The following WDR70 variants were observed in gnomAD, a reference collection of about 807,000 sequenced individuals.
The protein encoded by WDR70 is WD repeat-containing protein 70.
WDR70 carries 53 observed loss-of-function variants against 88.6 expected under a neutral mutation model. The observed-to-expected ratio is 0.60, with a 90% confidence interval of 0.48 to 0.75. The LOEUF is 0.75. Ranked by LOEUF, WDR70 falls within the 30% of genes least tolerant of loss-of-function variation. The pLI is 0.00. For synonymous variants in WDR70, 280 were observed against 270.0 expected, an observed-to-expected ratio of 1.04 and a Z score of -0.36; for missense variants, 610 against 823.2, an observed-to-expected ratio of 0.74 and a Z score of 3.17.
chr5:37,732,436 G>T lies in WDR70; in HGVS notation c.1877+5391G>T, dbSNP rs1359348105. On this transcript the variant is annotated intron_variant, in intron 17 of 17. Coordinates refer to ENST00000265107, the MANE Select transcript of WDR70 (RefSeq NM_018034.4). ...TACCCTCTTGAATGACAGTTATGTT[G>T]TTTTCAGCCTTTTTCTTTCATAAAC... Among the ~76,000 whole-genome samples the T allele has an allele frequency of 2.0e-5, 3 of 151,976 alleles. No homozygotes were observed. In the East Asian group the frequency reaches 5.8e-4, roughly 29 times the overall value.
chr5:37,687,554 A>G (rs1239600904), intron 10 of WDR70, among the ~76,000 whole-genome samples: 1 of 152,192 alleles, frequency 6.6e-6, no homozygotes, highest in African/African-American at 2.4e-5. Flanking sequence ...GTTTCAAAAC[A>G]TTACACCTCC....
intron 10 of WDR70, among the ~76,000 whole-genome samples, chr5:37,675,947 C>T (rs1011105857): frequency 6.6e-6 from 1 of 151,994 alleles, no homozygotes; most frequent in Non-Finnish European, 1.5e-5. Context: ...AGAGGTCCTT[C>T]ACGTCCCTTG....
intron 13 of WDR70, among the ~76,000 whole-genome samples, chr5:37,711,087 A>G (rs1398062421): frequency 6.6e-6 from 1 of 152,174 alleles, no homozygotes; most frequent in East Asian, 1.9e-4. Context: ...TACAGATTAT[A>G]GCAAATGTGC....
chr5:37,539,129 A>G (rs1045343102), intron 9 of WDR70, among the ~76,000 whole-genome samples: 3 of 152,184 alleles, frequency 2.0e-5, no homozygotes, highest in Non-Finnish European at 4.4e-5. Context: ...ATCTGTTACA[A>G]CTGCTTTCGC....
At chr5:37,600,495 C>T (rs1029928177) in intron 9 of WDR70, among the ~76,000 whole-genome samples, 2 of 147,908 alleles carry the variant, frequency 1.4e-5, no homozygotes, top group African/African-American at 5.1e-5. Context: ...CCACTGCACT[C>T]CAGCCTGGGC....
chr5:37,464,711 AC>A (rs1365227873), intron 7 of WDR70, among the ~76,000 whole-genome samples: 2 of 152,154 alleles, frequency 1.3e-5, no homozygotes, highest in African/African-American at 4.8e-5. Context: ...CTGCTATAAT[AC>A]TGCCTTGTGG....
intron 10 of WDR70, among the ~76,000 whole-genome samples, chr5:37,621,943 A>G (rs1041668393): frequency 6.6e-6 from 1 of 152,180 alleles, no homozygotes; most frequent in African/African-American, 2.4e-5. Context: ...AGCTTTCTAC[A>G]TATGGCTAGC....
chr5:37,697,059 A>G (rs1295322343), intron 10 of WDR70, among the ~76,000 whole-genome samples: 1 of 152,188 alleles, frequency 6.6e-6, no homozygotes, highest in Admixed American at 6.5e-5. Flanking sequence ...GGAGATGATA[A>G]TAATGGAACC....
chr5:37,613,251 A>G (rs997198365), intron 10 of WDR70, among the ~76,000 whole-genome samples: 2 of 152,230 alleles, frequency 1.3e-5, no homozygotes, highest in Admixed American at 1.3e-4. Flanking sequence ...AAAACATGGT[A>G]GGTTAAACAC....
At chr5:37,515,721 G>C (rs1740867313) in intron 8 of WDR70, among the ~76,000 whole-genome samples, 1 of 152,178 alleles carries the variant, frequency 6.6e-6, no homozygotes. Context: ...AACTGTGTCA[G>C]AGTAAGAGAT....
At chr5:37,390,380 C>T (rs1748774637) in intron 3 of WDR70, among the ~76,000 whole-genome samples, 2 of 148,982 alleles carry the variant, frequency 1.3e-5, no homozygotes, top group East Asian at 2.0e-4. Flanking sequence ...CACTCAGTCG[C>T]CCAGGCTAGA....
intron 9 of WDR70, among the ~76,000 whole-genome samples, chr5:37,535,981 T>A (rs753327184): frequency 1.4e-4 from 21 of 152,222 alleles, no homozygotes; most frequent in Non-Finnish European, 2.2e-4. Context: ...CTCTTTTATA[T>A]AAGTAATGGA....
At chr5:37,706,882 GT>G (rs906140902) in intron 13 of WDR70, among the ~76,000 whole-genome samples, 29 of 149,410 alleles carry the variant, frequency 1.9e-4, no homozygotes, top group African/African-American at 6.6e-4. Flanking sequence ...ATTCACTTTT[GT>G]TTTTTTTTGT....
At chr5:37,655,014 G>A (rs532154634) in intron 10 of WDR70, among the ~76,000 whole-genome samples, 35 of 152,240 alleles carry the variant, frequency 2.3e-4, no homozygotes, top group African/African-American at 2.6e-4. Flanking sequence ...TATTTTGCCC[G>A]TTAATTGATA....
chr5:37,499,389 C>T (rs1395454700), intron 8 of WDR70, among the ~76,000 whole-genome samples: 2 of 151,942 alleles, frequency 1.3e-5, no homozygotes, highest in Admixed American at 6.6e-5. Flanking sequence ...GCTGGGATTA[C>T]AGGTATGGGC....
chr5:37,697,699 A>G lies in WDR70; in HGVS notation c.1137A>G (p.Thr379=). ...ATAAACAGGCTCATGACTCGGGCAC[A>G]GACACTTCTTGCGTGACTTTTTCCT... ...FHYKQAHDSG[T]DTSCVTFSYD... is the part of the protein sequence containing the mutation. Residue 379 remains threonine (T), a synonymous_variant, in exon 11 of 18, where the codon ACA becomes ACG. Transcript: ENST00000265107. 1 of 1,613,892 alleles carries G rather than the reference A, an allele frequency of 6.2e-7. No homozygotes were observed. The highest frequency in any genetic ancestry group is 1.3e-5 in the African/African-American group (1 of 75,048).
At chr5:37,385,185 C>T (rs529674293) in intron 3 of WDR70, among the ~76,000 whole-genome samples, 1 of 152,124 alleles carries the variant, frequency 6.6e-6, no homozygotes, top group South Asian at 2.1e-4. Flanking sequence ...CCAGCATACC[C>T]CTGTGTTCAG....
At chr5:37,606,097 G>A (rs888921101) in intron 10 of WDR70, among the ~76,000 whole-genome samples, 1 of 151,990 alleles carries the variant, frequency 6.6e-6, no homozygotes, top group African/African-American at 2.4e-5. Context: ...TTTCATTCTA[G>A]TTAAATATAT....
chr5:37,481,329 G>GC (rs1739662336), intron 8 of WDR70, among the ~76,000 whole-genome samples: 1 of 150,766 alleles, frequency 6.6e-6, no homozygotes, highest in African/African-American at 2.5e-5. Context: ...TATCCATGAG[G>GC]GCCCCCCCCG....
Sources: gnomAD v4.1 joint callset for allele counts (sites outside exome capture counted in the v4.1 genomes callset) on GRCh38, gnomAD v4.1.1 for gene constraint, MANE v1.5 for transcripts, NCBI Gene and HGNC (gene_info 2026-07-23, HGNC 2026-07-21) for gene names.